PMFBP1: variants seen among roughly 807,000 people sequenced by gnomAD.
PMFBP1 encodes the protein polyamine modulated factor 1 binding protein 1, also known as polyamine-modulated factor 1-binding protein 1.
In PMFBP1, 131 loss-of-function variants were observed where a neutral mutation model predicts 137.8. The observed-to-expected ratio is 0.95, with a 90% confidence interval of 0.82 to 1.10. PMFBP1 has a LOEUF of 1.10. Among genes scored for constraint, PMFBP1 ranks in the 50% least tolerant of loss-of-function variants. The pLI, the probability that PMFBP1 is intolerant of heterozygous loss-of-function variation, is 0.00. For synonymous variants in PMFBP1, 490 were observed against 450.4 expected, an observed-to-expected ratio of 1.09 and a Z score of -1.11; for missense variants, 1,199 against 1,175.4, an observed-to-expected ratio of 1.02 and a Z score of -0.29.
chr16:72,141,209 T>C (rs2042717415), intron 5 of PMFBP1, among the ~76,000 whole-genome samples: 1 of 152,186 alleles, frequency 6.6e-6, no homozygotes, highest in Non-Finnish European at 1.5e-5. Context: ...AGTGCTGGGA[T>C]TACAGGCATG....
Position 72,150,623 on chromosome 16 carries a change from G to T in PMFBP1, c.621C>A (p.Gly207=), listed in dbSNP as rs769575745. The T allele has an allele frequency of 1.2e-6, 2 of 1,612,978 alleles. No individual in the cohort carries two copies. The highest frequency in any genetic ancestry group is 1.7e-5 in the Admixed American group (1 of 60,014). Residue 207 remains glycine (G), a synonymous_variant, in exon 5 of 21, where the codon GGC becomes GGA. Transcript: ENST00000237353. ...CQVKMLQGEL[G]GIMGQEPENK... is the part of the protein sequence containing the mutation. ...TAAGTCCTACCTGACCCATGATCCCGCCGAGTTCCCCCTGCAACATCTTCA... is the reference window on the plus strand; with the variant it reads ...TAAGTCCTACCTGACCCATGATCCCTCCGAGTTCCCCCTGCAACATCTTCA...
intron 7 of PMFBP1, among the ~76,000 whole-genome samples, chr16:72,138,451 C>G (rs2042666445): frequency 6.6e-6 from 1 of 152,242 alleles, no homozygotes; most frequent in Non-Finnish European, 1.5e-5. Context: ...GCTGACTTAA[C>G]AGGACCTCAC....
the PMFBP1 span, among the ~76,000 whole-genome samples, chr16:72,233,133 T>C: frequency 6.6e-6 from 1 of 152,120 alleles, no homozygotes; most frequent in Non-Finnish European, 1.5e-5. Context: ...TAGTCCAGTA[T>C]GCACTTGAAC....
At position 72,129,088 on chromosome 16, in the gene PMFBP1, T is replaced by G. The variant is rs77902407; in HGVS notation, c.1928A>C (p.Glu643Ala). The G allele has an allele frequency of 6.2e-7, 1 of 1,613,840 alleles. No homozygotes were observed. Among genetic ancestry groups the G allele is most frequent in the South Asian group, 1.1e-5 (1 of 90,984 alleles). The change falls in exon 13 of 21, where the codon GAA (glutamate) becomes GCA (alanine). Residue 643 changes from glutamate to alanine, a missense_variant. Physicochemically the swap from Glu to Ala is moderately radical, Grantham distance 107. Transcript: ENST00000237353. ...MEGELEALRQ[E>A]FKKKDKTLKE... ...CACCGTCTTGTCTTTCTTTTTAAAT[T>G]CCTGCCGCAAAGCTTCAAGTTCTCC...
the PMFBP1 span, among the ~76,000 whole-genome samples, chr16:72,221,217 T>G: frequency 3.9e-5 from 6 of 152,168 alleles, 1 homozygote; most frequent in South Asian, 1.2e-3. Context: ...ATGATGACAT[T>G]AGGCACTTTA....
chr16:72,172,329 A>C (rs1451743789), upstream of PMFBP1: 1 of 151,762 alleles, frequency 6.6e-6, no homozygotes, highest in Non-Finnish European at 1.5e-5. Flanking sequence ...CCCAAGTCTC[A>C]GTGGCTTACG....
intron 10 of PMFBP1, 112 bp downstream of exon 10, chr16:72,132,636 A>T: frequency 6.6e-7 from 1 of 1,516,788 alleles, no homozygotes; most frequent in East Asian, 2.3e-5. Flanking sequence ...CTGCAGTGAG[A>T]CACTGGAGGA....
the PMFBP1 span, among the ~76,000 whole-genome samples, chr16:72,242,215 A>T: frequency 6.6e-6 from 1 of 152,266 alleles, no homozygotes; most frequent in Non-Finnish European, 1.5e-5. Context: ...GGGATCAGAC[A>T]GCAAGACAAT....
At chr16:72,244,455 T>G in the PMFBP1 span, among the ~76,000 whole-genome samples, 1 of 152,216 alleles carries the variant, frequency 6.6e-6, no homozygotes, top group Non-Finnish European at 1.5e-5. Flanking sequence ...GTCAGTTTGT[T>G]GAAAATACGT....
At chr16:72,185,309 C>T in the PMFBP1 span, among the ~76,000 whole-genome samples, 1 of 152,124 alleles carries the variant, frequency 6.6e-6, no homozygotes, top group Non-Finnish European at 1.5e-5. Context: ...CAGGCATGAG[C>T]CACCGTGCAC....
chr16:72,229,990 G>T, the PMFBP1 span, among the ~76,000 whole-genome samples: 1 of 152,152 alleles, frequency 6.6e-6, no homozygotes, highest in African/African-American at 2.4e-5. Context: ...CTGAAGGCTG[G>T]TGACTTTAGT....
the PMFBP1 span, among the ~76,000 whole-genome samples, chr16:72,200,021 G>GT: frequency 6.6e-6 from 1 of 152,270 alleles, no homozygotes; most frequent in African/African-American, 2.4e-5. Context: ...TATATCAGCA[G>GT]TTTGAGTGTG....
the PMFBP1 span, among the ~76,000 whole-genome samples, chr16:72,191,673 T>G: frequency 1.3e-5 from 2 of 152,242 alleles, no homozygotes; most frequent in African/African-American, 4.8e-5. Flanking sequence ...GTATCTATTG[T>G]ACGTTCTGGT....
At chr16:72,132,607 G>T in intron 10 of PMFBP1, 141 bp downstream of exon 10, 1 of 1,357,644 alleles carries the variant, frequency 7.4e-7, no homozygotes, top group Non-Finnish European at 1.0e-6. Flanking sequence ...TGAGGTATAG[G>T]ATGAGGCCCT....
the PMFBP1 span, among the ~76,000 whole-genome samples, chr16:72,243,599 C>T: frequency 6.6e-6 from 1 of 152,116 alleles, no homozygotes; most frequent in African/African-American, 2.4e-5. Context: ...CTTTTTGCCC[C>T]TCTTAATTAT....
Position 72,140,258 on chromosome 16 carries a change from G to C in PMFBP1, c.807+154C>G, listed in dbSNP as rs955073741. Among the ~76,000 whole-genome samples the C allele has an allele frequency of 5.1e-4, 78 of 152,080 alleles. 2 individuals carry two copies. The highest frequency in any genetic ancestry group is 1.3e-4 in the Admixed American group (2 of 15,264). ...TTGGGTGGGAAGAAGCATTACCATG[G>C]AGAATATGAACAAAGTTGGGGGGCA... On this transcript the variant is annotated intron_variant, in intron 6 of 20. Coordinates refer to ENST00000237353, the MANE Select transcript of PMFBP1 (RefSeq NM_031293.3).
chr16:72,206,383 C>A, the PMFBP1 span, among the ~76,000 whole-genome samples: 6 of 152,274 alleles, frequency 3.9e-5, no homozygotes, highest in East Asian at 1.2e-3. Context: ...TTGGAGGAAC[C>A]ACTGGGATGC....
At chr16:72,220,819 G>A in the PMFBP1 span, among the ~76,000 whole-genome samples, 4 of 152,180 alleles carry the variant, frequency 2.6e-5, no homozygotes, top group East Asian at 7.7e-4. Context: ...TGGCCAGATG[G>A]TAAGAACACA....
chr16:72,192,325 G>A, the PMFBP1 span, among the ~76,000 whole-genome samples: 1 of 152,078 alleles, frequency 6.6e-6, no homozygotes, highest in Non-Finnish European at 1.5e-5. Context: ...TCACCTAATG[G>A]TCCCAATTCA....
Sources: allele counts gnomAD v4.1 joint callset (sites outside exome capture counted in the v4.1 genomes callset), GRCh38; gene constraint gnomAD v4.1.1; transcripts MANE v1.5; gene names NCBI Gene and HGNC (gene_info 2026-07-23, HGNC 2026-07-21).